Variants in MMD2 observed in about 807,000 individuals in gnomAD.
MMD2 encodes the protein monocyte to macrophage differentiation factor 2.
MMD2 carries 30 observed loss-of-function variants against 33.5 expected under a neutral mutation model. The ratio of observed to expected loss-of-function variants is 0.90; its 90% confidence interval spans 0.67 to 1.22. The LOEUF (loss-of-function observed/expected upper bound fraction) is 1.22, where lower values mean the gene tolerates loss of function less well. Ranked by LOEUF, MMD2 falls within the 50% of genes most tolerant of loss-of-function variation. The pLI, the probability that MMD2 is intolerant of heterozygous loss-of-function variation, is 0.00. For missense variants in MMD2, 364 were observed against 325.4 expected, an observed-to-expected ratio of 1.12 and a Z score of -0.91; for synonymous variants, 129 against 123.0, an observed-to-expected ratio of 1.05 and a Z score of -0.32.
In MMD2 at chr7:4,959,154, G is replaced by GGAGCCGGAGCCC. The variant is rs1411110365; in HGVS notation, c.-149_-138dup. ...GGGGACCTGGTCGGCGCCCGGAGCC[G>GGAGCCGGAGCCC]GAGCCGGAGCCCGAGCCGGAGCTGG... On this transcript the variant is annotated 5_prime_UTR_variant, in exon 1 of 7. Coordinates refer to ENST00000401401, the MANE Select transcript of MMD2 (RefSeq NM_198403.4). 4 of 626,102 alleles carry GGAGCCGGAGCCC rather than the reference G, an allele frequency of 6.4e-6. No individual in the cohort carries two copies. Among genetic ancestry groups the GGAGCCGGAGCCC allele is most frequent in the African/African-American group, 3.9e-5 (2 of 51,322 alleles). The allele number at this position is 626,102 out of a possible 1,614,324, so 38.8% of individuals were successfully genotyped here.
chr7:4,943,292 A>G (rs1583394476), intron 1 of MMD2, among the ~76,000 whole-genome samples: 1 of 151,566 alleles, frequency 6.6e-6, no homozygotes, highest in African/African-American at 2.4e-5. Flanking sequence ...TACAGGCATG[A>G]GCCACCGCGC....
At chr7:4,948,139 A>G (rs1387016103) in intron 1 of MMD2, among the ~76,000 whole-genome samples, 1 of 152,200 alleles carries the variant, frequency 6.6e-6, no homozygotes, top group Non-Finnish European at 1.5e-5. Context: ...ATCGGGGATT[A>G]CAACTGAATA....
chr7:4,903,534 C>G (rs1784822154), downstream of MMD2, among the ~76,000 whole-genome samples: 2 of 152,212 alleles, frequency 1.3e-5, no homozygotes. Flanking sequence ...GTGATGCTGA[C>G]TCAAATCCTT....
intron 1 of MMD2, among the ~76,000 whole-genome samples, chr7:4,945,246 C>CTTCT (rs1562493963): frequency 2.6e-4 from 6 of 22,868 alleles, no homozygotes; most frequent in South Asian, 3.6e-3. Context: ...CTTCCTCTCT[C>CTTCT]TCTTTCTTTC....
At chr7:4,949,922 CCT>C (rs930193319) in intron 1 of MMD2, among the ~76,000 whole-genome samples, 1 of 152,130 alleles carries the variant, frequency 6.6e-6, no homozygotes, top group Non-Finnish European at 1.5e-5. Flanking sequence ...CCCCCCATCT[CCT>C]CTCTCACATT....
chr7:4,943,487 G>A (rs1785967809), intron 1 of MMD2, among the ~76,000 whole-genome samples: 1 of 152,122 alleles, frequency 6.6e-6, no homozygotes, highest in African/African-American at 2.4e-5. Context: ...TCACAGAAGA[G>A]AAGACTGAGA....
intron 3 of MMD2, among the ~76,000 whole-genome samples, chr7:4,919,233 A>G (rs1184678145): frequency 6.6e-6 from 1 of 152,162 alleles, no homozygotes; most frequent in East Asian, 1.9e-4. Context: ...CGTCGTGACC[A>G]CCCTGCAGCC....
chr7:4,923,248 C>T lies in MMD2; in HGVS notation c.129+2203G>A, dbSNP rs373613228. Among the ~76,000 whole-genome samples the T allele has an allele frequency of 5.3e-5, 8 of 152,076 alleles. No individual in the cohort carries two copies. The South Asian group carries it at 8.3e-4, about 16-fold the overall frequency. ...CCACCTCAGTAGCTGGGATTACAGG[C>T]GCATACTACCACACCTGGCTAATTT... On this transcript the variant is annotated intron_variant, in intron 2 of 6. Transcript: ENST00000401401.
chr7:4,933,196 TA>T (rs1785640283), intron 1 of MMD2, among the ~76,000 whole-genome samples: 1 of 151,870 alleles, frequency 6.6e-6, no homozygotes, highest in Non-Finnish European at 1.5e-5. Context: ...ACCCGGTCTC[TA>T]CAAAATATTA....
At chr7:4,908,302 C>T (rs573711178) in intron 6 of MMD2, among the ~76,000 whole-genome samples, 94 of 151,486 alleles carry the variant, frequency 6.2e-4, no homozygotes, top group Non-Finnish European at 9.9e-4. Flanking sequence ...CCACCATGCC[C>T]GGCTAATTTT....
At chr7:4,905,099 C>G (rs75062786), downstream of MMD2, among the ~76,000 whole-genome samples, 855 of 152,262 alleles carry the variant, frequency 5.6e-3, 15 homozygotes, top group African/African-American at 0.02. This position sits in a 1 kb window ranked among gnomAD's most constrained non-coding sequence, Gnocchi z 5.0. Flanking sequence ...TGGGGAAATG[C>G]AAGCCCAGAT....
rs2115097185 is a variant in MMD2 at position 4,916,058 on chromosome 7, G to A, written c.312C>T (p.His104=). ...SHLRMVEHCL[H]MFDRMVIYFF... ...AATAGATGACCATCCGGTCGAACAT[G>A]TGTAGACAGTGTTCCACCATCCTAG... Residue 104 remains histidine (H), a synonymous_variant, in exon 4 of 7, where the codon CAC becomes CAT. Transcript: ENST00000401401. 6.2e-7 allele frequency: 1 copy of A among 1,613,834 alleles called. No individual in the cohort carries two copies. Among genetic ancestry groups the A allele is most frequent in the Non-Finnish European group, 8.5e-7 (1 of 1,179,842 alleles).
At chr7:4,933,535 C>T (rs1221875552) in intron 1 of MMD2, among the ~76,000 whole-genome samples, 3 of 151,790 alleles carry the variant, frequency 2.0e-5, no homozygotes, top group Non-Finnish European at 4.4e-5. Context: ...TCTGAGATTC[C>T]TCCTCCCTGG....
chr7:4,920,849 C>G (rs1392726649), intron 2 of MMD2, among the ~76,000 whole-genome samples: 1 of 151,846 alleles, frequency 6.6e-6, no homozygotes, highest in Non-Finnish European at 1.5e-5. Flanking sequence ...TCCCAAGTAG[C>G]TGGGACTACA....
At chr7:4,909,999 A>G (rs1784966298) in intron 5 of MMD2, 49 bp from the exon 6 acceptor site, 1 of 1,613,860 alleles carries the variant, frequency 6.2e-7, no homozygotes, top group Non-Finnish European at 8.5e-7. Flanking sequence ...CTCCCCACGA[A>G]GAAACTGCAC....
rs1554273338 is a variant in MMD2 at position 4,945,185 on chromosome 7, T to TTCTTCTTCTTCTTCTTCTTCTTCTTCTTC, written c.47+13785_47+13786insGAAGAAGAAGAAGAAGAAGAAGAAGAAGA. Among the ~76,000 whole-genome samples, 38 of 93,540 alleles carry TTCTTCTTCTTCTTCTTCTTCTTCTTCTTC rather than the reference T, an allele frequency of 4.1e-4. 1 individual carries two copies. Among genetic ancestry groups the TTCTTCTTCTTCTTCTTCTTCTTCTTCTTC allele is most frequent in the East Asian group, 1.6e-3 (5 of 3,058 alleles). 61.4% of individuals were successfully genotyped at this position (93,540 alleles called of 152,430 possible). On this transcript the variant is annotated intron_variant, in intron 1 of 6. Transcript: ENST00000401401. ...TTCTTCCTTCTTCCTCCTCTTCCTC[T>TTCTTCTTCTTCTTCTTCTTCTTCTTCTTC]TTCTTCTTCTTCTTCTTCTTCTTCT...
intron 1 of MMD2, among the ~76,000 whole-genome samples, chr7:4,926,060 C>A (rs1196041933): frequency 6.6e-6 from 1 of 152,116 alleles, no homozygotes. Flanking sequence ...CCCGCCTCAG[C>A]CTTCCCAAGT....
chr7:4,934,755 G>A (rs927932905), intron 1 of MMD2, among the ~76,000 whole-genome samples: 1 of 152,232 alleles, frequency 6.6e-6, no homozygotes, highest in Non-Finnish European at 1.5e-5. Context: ...TTTGGAGCTT[G>A]GCACTGTTGG....
At chr7:4,938,560 A>G (rs1226381444) in intron 1 of MMD2, among the ~76,000 whole-genome samples, 1 of 152,116 alleles carries the variant, frequency 6.6e-6, no homozygotes, top group Non-Finnish European at 1.5e-5. Context: ...TACCACAGTC[A>G]AATTTCCCAC....
Sources: allele counts gnomAD v4.1 joint callset (sites outside exome capture counted in the v4.1 genomes callset), GRCh38; gene constraint gnomAD v4.1.1; non-coding constraint Gnocchi (gnomAD v3.1); transcripts MANE v1.5; gene names NCBI Gene and HGNC (gene_info 2026-07-23, HGNC 2026-07-21).